The following TTLL3 variants were observed in gnomAD, a reference collection of about 807,000 sequenced individuals.
TTLL3 encodes tubulin tyrosine ligase like 3.
In TTLL3, 63 loss-of-function variants were observed where a neutral mutation model predicts 75.2. The ratio of observed to expected loss-of-function variants is 0.84; its 90% CI spans 0.68 to 1.03. TTLL3 has a LOEUF of 1.03. TTLL3 is among the 50% of genes least tolerant of loss of function. The pLI, the probability that TTLL3 is intolerant of heterozygous loss-of-function variation, is 0.00. For synonymous variants in TTLL3, 393 were observed against 418.5 expected (o/e 0.94, Z 0.74); for missense variants, 997 against 1,069.9 (o/e 0.93, Z 0.95).
intron 12 of TTLL3, 194 bp from the exon 13 acceptor site, chr3:9,834,487 C>G: frequency 1.1e-6 from 1 of 894,862 alleles, no homozygotes; most frequent in Non-Finnish European, 1.8e-6. Context: ...AGGGGCACAG[C>G]TGGGATGCAG....
chr3:9,829,181 A>T lies in TTLL3; in HGVS notation c.1469A>T (p.Lys490Met), dbSNP rs1457323013. ...QTSQDTVQCR[K>M]ASFELYGADF... The stretch of plus-strand genomic sequence containing the variant: ...TCCCAGGACACCGTGCAGTGTCGGA[A>T]GGCCAGCTTTGAGCTCTATGGCGCT... The change falls in exon 11 of 14, where the codon AAG becomes ATG. Residue 490 changes from lysine (K) to methionine (M), a missense_variant. Transcript: ENST00000685419. 1 of 1,614,094 alleles carries T rather than the reference A, an allele frequency of 6.2e-7. No homozygotes were observed. Among genetic ancestry groups the T allele is most frequent in the African/African-American group, 1.3e-5 (1 of 74,950 alleles).
chr3:9,828,619 C>T (rs2081264307), intron 10 of TTLL3: 2 of 296,678 alleles, frequency 6.7e-6, no homozygotes, highest in Non-Finnish European at 6.4e-6. Flanking sequence ...GTGGAGATGG[C>T]GCTTGAACAC....
chr3:9,829,076 A>AT lies in TTLL3; in HGVS notation c.1364_1365insT (p.Gln455HisfsTer40). The stretch of plus-strand genomic sequence containing the variant: ...AGCCAGAGGTTCCAGGCCCACCTGC[A>AT]GGAGATGGGTGCCCCAAATGCTTGG... On this transcript the variant is annotated frameshift_variant, in exon 11 of 14. Coordinates refer to ENST00000685419, the MANE Select transcript of TTLL3 (RefSeq NM_001387446.1). LOFTEE classifies it high-confidence loss of function. The AT allele has an allele frequency of 6.2e-7, 1 of 1,614,248 alleles. No individual in the cohort carries two copies. The highest frequency in any genetic ancestry group is 8.5e-7 in the Non-Finnish European group (1 of 1,180,048).
intron 5 of TTLL3, among the ~76,000 whole-genome samples, chr3:9,817,144 G>A (rs1024714314): frequency 2.0e-5 from 3 of 152,118 alleles, no homozygotes; most frequent in Non-Finnish European, 4.4e-5. Context: ...GAAAGGGTGG[G>A]CCGGGCACAG....
At position 9,835,388 on chromosome 3, in the gene TTLL3, A is replaced by C. The variant is rs979702516; in HGVS notation, c.2347A>C (p.Lys783Gln). 1 of 1,613,906 alleles carries C rather than the reference A, an allele frequency of 6.2e-7. No homozygotes were observed. The highest frequency in any genetic ancestry group is 1.3e-5 in the African/African-American group (1 of 74,996). Residue 783 changes from lysine to glutamine, a missense_variant, in exon 14 of 14, where the codon AAG becomes CAG. Lys to Gln is a moderately conservative substitution (Grantham distance 53). Coordinates refer to ENST00000685419, the MANE Select transcript of TTLL3 (RefSeq NM_001387446.1). ...ALVLDPTPNK[K>Q]KQVKYLGLDS... The stretch of plus-strand genomic sequence containing the variant: ...TGTCCTGGATCCAACACCAAATAAA[A>C]AGAAACAAGTGAAGTATTTGGGGCT...
intron 4 of TTLL3, among the ~76,000 whole-genome samples, chr3:9,815,610 A>G (rs922234255): frequency 6.6e-6 from 1 of 152,256 alleles, no homozygotes; most frequent in Non-Finnish European, 1.5e-5. Flanking sequence ...ATGGGCCAGA[A>G]CAAAGTGTGA....
chr3:9,813,093 A>G lies in TTLL3; in HGVS notation c.199A>G (p.Ser67Gly). The part of the protein sequence containing the change: ...KDLDSSAMGD[S>G]DTTEDEDEDE... ...TCTGGATAGCTCAGCGATGGGTGAC[A>G]GTGACACCACTGAGGATGGTGAGTG... The change falls in exon 3 of 14, where the codon AGT (serine) becomes GGT (glycine). Residue 67 changes from serine to glycine, a missense_variant. By Grantham distance (56) the Ser-to-Gly change is moderately conservative. Coordinates refer to ENST00000685419, the MANE Select transcript of TTLL3 (RefSeq NM_001387446.1). The G allele has an allele frequency of 5.1e-6, 8 of 1,580,824 alleles. No homozygotes were observed. Among genetic ancestry groups the G allele is most frequent in the Non-Finnish European group, 6.0e-6 (7 of 1,160,540 alleles).
Position 9,810,365 on chromosome 3 carries a change from C to A in TTLL3, c.-71C>A. 1 of 1,319,138 alleles carries A rather than the reference C, an allele frequency of 7.6e-7. No homozygotes were observed. The allele number at this position is 1,319,138 out of a possible 1,614,324, so 81.7% of individuals were successfully genotyped here. A position where few individuals can be genotyped will look rare whatever the true frequency, so the allele number is the denominator to read the frequency against. On this transcript the variant is annotated 5_prime_UTR_variant, in exon 1 of 14. Transcript: ENST00000685419. The surrounding 1 kb of genome is among the most constrained non-coding windows in gnomAD (Gnocchi z 4.4). ...ACCCACCCCCTCGGCCCCCCGCACA[C>A]CCCGGTCCTCGACCCCTCTCCGCAG...
chr3:9,810,652 G>A lies in TTLL3; in HGVS notation c.-10G>A, dbSNP rs1334479512. 2.5e-6 allele frequency: 4 copies of A among 1,580,274 alleles called. No individual in the cohort carries two copies. The highest frequency in any genetic ancestry group is 3.4e-6 in the Non-Finnish European group (4 of 1,163,172). On this transcript the variant is annotated 5_prime_UTR_variant, in exon 2 of 14. Coordinates refer to ENST00000685419, the MANE Select transcript of TTLL3 (RefSeq NM_001387446.1). The surrounding 1 kb of genome is among the most constrained non-coding windows in gnomAD (Gnocchi z 4.4). ...CGGTCCTCTGGCGAGGATCCTCCAAGGCGTCTCACATGAACCGGCTCAGAA... is the reference window on the plus strand; with the variant it reads ...CGGTCCTCTGGCGAGGATCCTCCAAAGCGTCTCACATGAACCGGCTCAGAA...
intron 10 of TTLL3, chr3:9,827,711 T>C (rs975238606): frequency 4.0e-5 from 8 of 198,518 alleles, no homozygotes; most frequent in African/African-American, 1.6e-4. Flanking sequence ...TGACCGAGTG[T>C]GTACCTTGTG....
chr3:9,823,117 C>T (rs1575389612), intron 8 of TTLL3, among the ~76,000 whole-genome samples: 1 of 151,850 alleles, frequency 6.6e-6, no homozygotes, highest in African/African-American at 2.4e-5. Context: ...GGCACGGTGG[C>T]TCACGCCTGT....
intron 12 of TTLL3, chr3:9,834,418 A>G: frequency 3.0e-6 from 2 of 666,812 alleles, no homozygotes; most frequent in South Asian, 3.0e-5. Context: ...TATTATCCCC[A>G]TTTTCCAGCC....
rs903026874 is a variant in TTLL3, at chr3:9,818,374, C to CT, written c.560-436dup. ...TACACAACTGAAACAGGAGCAAGTT[C>CT]TTTTTTTTTTTTGAGACGGAGTCTC... is the stretch of plus-strand genomic sequence containing the variant. On this transcript the variant is annotated intron_variant, in intron 6 of 13. Transcript: ENST00000685419. 457 of 155,094 alleles carry CT rather than the reference C, an allele frequency of 2.9e-3. 1 individual carries two copies. Among genetic ancestry groups the CT allele is most frequent in the South Asian group, 7.0e-3 (40 of 5,720 alleles). 9.6% of individuals were successfully genotyped at this position (155,094 alleles called of 1,614,324 possible).
rs772830903 is a variant in TTLL3 at position 9,813,011 on chromosome 3, G to T, written c.117G>T (p.Trp39Cys). 1 of 1,578,270 alleles carries T rather than the reference G, an allele frequency of 6.3e-7. No individual in the cohort carries two copies. Among genetic ancestry groups the T allele is most frequent in the South Asian group, 1.2e-5 (1 of 86,578 alleles). Reference protein sequence around the residue: ...VIRCLLRRRGWVEKKMVHRSG... With the variant: ...VIRCLLRRRGCVEKKMVHRSG... The stretch of plus-strand genomic sequence containing the variant: ...GGTGTCTCTTGCGCCGGAGGGGCTG[G>T]GTGGAGAAGAAGATGGTCCATCGCT... Residue 39 changes from tryptophan to cysteine, a missense_variant, in exon 3 of 14, where the codon TGG becomes TGT. Trp to Cys is a radical substitution (Grantham distance 215, BLOSUM62 -2). Transcript: ENST00000685419.
intron 12 of TTLL3, chr3:9,834,093 CAA>C (rs2081853413): frequency 1.4e-5 from 3 of 213,964 alleles, no homozygotes; most frequent in Admixed American, 7.3e-5. Flanking sequence ...GCCTGGGCAA[CAA>C]GAGCAAAACT....
At chr3:9,815,266 T>C (rs1039197811) in intron 4 of TTLL3, among the ~76,000 whole-genome samples, 8 of 151,464 alleles carry the variant, frequency 5.3e-5, no homozygotes, top group Non-Finnish European at 8.8e-5. Flanking sequence ...GCCATTTCTG[T>C]ATGTCAGGAA....
intron 5 of TTLL3, chr3:9,817,431 A>G: frequency 1.0e-6 from 1 of 985,134 alleles, no homozygotes; most frequent in South Asian, 4.7e-5. Context: ...CTCAAAAAAA[A>G]AAAGAATGTG....
chr3:9,813,191 T>C (rs1326412601), intron 3 of TTLL3, 57 bp from the exon 4 acceptor site: 1 of 1,613,236 alleles, frequency 6.2e-7, no homozygotes, highest in African/African-American at 1.3e-5. Flanking sequence ...AGTTGAGGCC[T>C]TATGGGCTAT....
At chr3:9,814,160 AC>A (rs2079599863) in intron 4 of TTLL3, among the ~76,000 whole-genome samples, 1 of 151,674 alleles carries the variant, frequency 6.6e-6, no homozygotes, top group Non-Finnish European at 1.5e-5. Context: ...AAATAAAAAA[AC>A]AAACAAATAA....
Sources: gnomAD v4.1 joint callset for allele counts (sites outside exome capture counted in the v4.1 genomes callset) on GRCh38, gnomAD v4.1.1 for gene constraint, Gnocchi (gnomAD v3.1) non-coding constraint, MANE v1.5 for transcripts, NCBI Gene and HGNC (gene_info 2026-07-23, HGNC 2026-07-21) for gene names.